TMTC3: variants seen among roughly 807,000 people sequenced by gnomAD.
TMTC3 encodes transmembrane O-mannosyltransferase targeting cadherins 3.
A neutral mutation model predicts 92.2 loss-of-function variants in TMTC3; 52 were observed. The observed-to-expected ratio is 0.56, with a 90% confidence interval of 0.45 to 0.71. TMTC3 has a LOEUF of 0.71. Among genes scored for constraint, TMTC3 ranks in the 30% least tolerant of loss-of-function variants. The pLI is 0.00. For missense variants in TMTC3, 896 were observed against 1,057.1 expected (o/e 0.85, Z 2.11); for synonymous variants, 339 against 363.3 (o/e 0.93, Z 0.76).
rs1336878535 is a variant in TMTC3, at chr12:88,142,469, C to T, written c.-47C>T. ...TCCTGAGGTTTTCCTAAGCCATCCC[C>T]TGGCGGAACCGCCCCCAGGTGAGGT... On this transcript the variant is annotated 5_prime_UTR_variant, in exon 1 of 14. Transcript: ENST00000266712. 1 of 152,948 alleles carries T rather than the reference C, an allele frequency of 6.5e-6. No homozygotes were observed. Among genetic ancestry groups the T allele is most frequent in the African/African-American group, 2.4e-5 (1 of 41,472 alleles). The allele number at this position is 152,948 out of a possible 1,614,324, so 9.5% of individuals were successfully genotyped here.
chr12:88,174,650 C>A lies in TMTC3; in HGVS notation c.1243C>A (p.Leu415Ile). 6.2e-7 allele frequency: 1 copy of A among 1,612,170 alleles called. No homozygotes were observed. The highest frequency in any genetic ancestry group is 1.7e-5 in the Admixed American group (1 of 59,900). The change falls in exon 9 of 14, where the codon CTC (leucine) becomes ATC (isoleucine). Residue 415 changes from leucine (L) to isoleucine (I), a missense_variant. Physicochemically the swap from Leu to Ile is conservative, Grantham distance 5. Coordinates refer to ENST00000266712, the MANE Select transcript of TMTC3 (RefSeq NM_181783.4). ...LSWICLSMVI[L>I]THSLKTFHRN... ...CTGGATTTGTCTGTCTATGGTGATA[C>A]TCACTCATTCCTTAAAAACATTCCA...
At chr12:88,182,858 A>G (rs1218493653) in intron 10 of TMTC3, among the ~76,000 whole-genome samples, 1 of 152,172 alleles carries the variant, frequency 6.6e-6, no homozygotes, top group Non-Finnish European at 1.5e-5. Flanking sequence ...GGTATTGTAA[A>G]CACAAATTTT....
Position 88,195,247 on chromosome 12 carries a change from T to C in TMTC3, c.2343T>C (p.Tyr781=). The change falls in exon 14 of 14, where the codon TAT becomes TAC. Residue 781 remains tyrosine (Y), a synonymous_variant. Transcript: ENST00000266712. Reference sequence around the variant, plus strand: ...GAAAACACAATCTTTGTGTTGTTTATTTTGAAGAAAAAGACTTATTAAAAG... The same window carrying C: ...GAAAACACAATCTTTGTGTTGTTTACTTTGAAGAAAAAGACTTATTAAAAG... ...VQGKHNLCVV[Y]FEEKDLLKAE... is the part of the protein sequence containing the mutation. The C allele has an allele frequency of 6.2e-7, 1 of 1,613,916 alleles. No individual in the cohort carries two copies. The highest frequency in any genetic ancestry group is 8.5e-7 in the Non-Finnish European group (1 of 1,179,930).
intron 10 of TMTC3, among the ~76,000 whole-genome samples, chr12:88,182,727 T>G (rs2041331968): frequency 6.6e-6 from 1 of 150,458 alleles, no homozygotes; most frequent in Non-Finnish European, 1.5e-5. Flanking sequence ...TAGGAAATTC[T>G]TTTCTACTTG....
At chr12:88,151,124 T>G (rs1421052561) in intron 2 of TMTC3, among the ~76,000 whole-genome samples, 1 of 151,262 alleles carries the variant, frequency 6.6e-6, no homozygotes, top group East Asian at 1.9e-4. Context: ...TCAATATTTT[T>G]GTCTTATTTT....
At chr12:88,159,241 A>C (rs1345059262) in intron 4 of TMTC3, among the ~76,000 whole-genome samples, 1 of 152,192 alleles carries the variant, frequency 6.6e-6, no homozygotes, top group Non-Finnish European at 1.5e-5. Context: ...TCTTTAGTCA[A>C]ATTACTACTA....
chr12:88,195,704 T>C lies in TMTC3; in HGVS notation c.*55T>C. The C allele has an allele frequency of 6.9e-7, 1 of 1,451,572 alleles. No homozygotes were observed. Among genetic ancestry groups the C allele is most frequent in the South Asian group, 1.4e-5 (1 of 69,936 alleles). 89.9% of individuals were successfully genotyped at this position (1,451,572 alleles called of 1,614,324 possible). On this transcript the variant is annotated 3_prime_UTR_variant, in exon 14 of 14. Transcript: ENST00000266712. ...AAGAACATCAATCCGTATCATGTGA[T>C]TGCTTTTACTGGGAGCTTTGAAAAA...
intron 10 of TMTC3, among the ~76,000 whole-genome samples, chr12:88,181,440 TGTTTA>T (rs2041317131): frequency 1.3e-5 from 2 of 152,016 alleles, no homozygotes; most frequent in Admixed American, 6.6e-5. Flanking sequence ...AGGTTGAAAT[TGTTTA>T]GTTAAGTTTC....
intron 10 of TMTC3, among the ~76,000 whole-genome samples, chr12:88,181,639 G>C (rs1165822109): frequency 6.6e-6 from 1 of 152,172 alleles, no homozygotes; most frequent in African/African-American, 2.4e-5. Context: ...TGAAGAAAAA[G>C]TGTACACAGG....
At chr12:88,160,290 A>G in intron 5 of TMTC3, 61 bp downstream of exon 5, 1 of 946,592 alleles carries the variant, frequency 1.1e-6, no homozygotes, top group Non-Finnish European at 1.5e-6. Flanking sequence ...AGTTGAATCA[A>G]ATTTTATTTA....
chr12:88,143,149 G>A (rs1032063924), intron 1 of TMTC3, among the ~76,000 whole-genome samples: 5 of 150,636 alleles, frequency 3.3e-5, no homozygotes, highest in Non-Finnish European at 7.4e-5. Context: ...ATCTGGACCA[G>A]TGCTTTGTCT....
In TMTC3 at chr12:88,195,421, G is replaced by C; in HGVS notation, c.2517G>C (p.Lys839Asn). 6.2e-7 allele frequency: 1 copy of C among 1,613,362 alleles called. No homozygotes were observed. Among genetic ancestry groups the C allele is most frequent in the Non-Finnish European group, 8.5e-7 (1 of 1,179,746 alleles). ...PTSKISSVEG[K>N]KIPTESVKEI... Reference sequence around the variant, plus strand: ...GTAAGATTTCAAGTGTGGAAGGAAAGAAAATTCCAACTGAAAGTGTAAAAG... The same window carrying C: ...GTAAGATTTCAAGTGTGGAAGGAAACAAAATTCCAACTGAAAGTGTAAAAG... Residue 839 changes from lysine (K) to asparagine (N), a missense_variant, in exon 14 of 14, where the codon AAG becomes AAC. By Grantham distance (94) the Lys-to-Asn change is moderately conservative. Coordinates refer to ENST00000266712, the MANE Select transcript of TMTC3 (RefSeq NM_181783.4).
Position 88,190,537 on chromosome 12 carries a change from A to G in TMTC3, c.1621A>G (p.Asn541Asp), listed in dbSNP as rs758876888. The G allele has an allele frequency of 6.2e-7, 1 of 1,614,016 alleles. No homozygotes were observed. Residue 541 changes from asparagine (N) to aspartate (D), a missense_variant, in exon 12 of 14, where the codon AAT (asparagine) becomes GAT (aspartate). Coordinates refer to ENST00000266712, the MANE Select transcript of TMTC3 (RefSeq NM_181783.4). ...YINLANLIRA[N>D]ESRLEEADQL... ...CAATCTGGCTAACCTGATCCGAGCA[A>G]ATGAGTCCCGACTGGAAGAAGCAGA... is the stretch of plus-strand genomic sequence containing the variant.
rs1183112823 is a variant in TMTC3, at chr12:88,199,769, A to AACTC, written c.*4124_*4127dup. 6.6e-6 allele frequency: 1 copy of AACTC among 152,250 alleles called. No homozygotes were observed. Among genetic ancestry groups the AACTC allele is most frequent in the African/African-American group, 2.4e-5 (1 of 41,474 alleles). 9.4% of individuals were successfully genotyped at this position (152,250 alleles called of 1,614,324 possible). On this transcript the variant is annotated 3_prime_UTR_variant, in exon 14 of 14. Coordinates refer to ENST00000266712, the MANE Select transcript of TMTC3 (RefSeq NM_181783.4). The stretch of plus-strand genomic sequence containing the variant: ...AGGCAAATTCATGTTCTTTCTTTGT[A>AACTC]ACTCACTTTCTTCGTCAACATTTCT...
intron 10 of TMTC3, among the ~76,000 whole-genome samples, chr12:88,182,704 A>G (rs938187731): frequency 6.6e-6 from 1 of 152,146 alleles, no homozygotes; most frequent in Admixed American, 6.5e-5. Context: ...TATAAAATGA[A>G]TAATCTTGTA....
intron 6 of TMTC3, 111 bp downstream of exon 6, chr12:88,160,962 G>T: frequency 8.9e-7 from 1 of 1,127,546 alleles, no homozygotes; most frequent in Non-Finnish European, 1.2e-6. Context: ...GTTTTATTAA[G>T]CTATAATTAA....
At chr12:88,183,304 G>T (rs886658135) in intron 10 of TMTC3, among the ~76,000 whole-genome samples, 6 of 152,218 alleles carry the variant, frequency 3.9e-5, no homozygotes, top group Non-Finnish European at 8.8e-5. Flanking sequence ...AAATGGGCTA[G>T]CAGCTGTTTT....
At position 88,195,692 on chromosome 12, in the gene TMTC3, C is replaced by T. The variant is rs1254889721; in HGVS notation, c.*43C>T. 12 of 1,489,316 alleles carry T rather than the reference C, an allele frequency of 8.1e-6. No homozygotes were observed. Among genetic ancestry groups the T allele is most frequent in the Admixed American group, 2.3e-5 (1 of 43,710 alleles). 92.3% of individuals were successfully genotyped at this position (1,489,316 alleles called of 1,614,324 possible). A position where few individuals can be genotyped will look rare whatever the true frequency, so the allele number is the denominator to read the frequency against. ...ACAATGGTATCAAAGAACATCAATC[C>T]GTATCATGTGATTGCTTTTACTGGG... On this transcript the variant is annotated 3_prime_UTR_variant, in exon 14 of 14. Coordinates refer to ENST00000266712, the MANE Select transcript of TMTC3 (RefSeq NM_181783.4).
In TMTC3 at chr12:88,198,429, G is replaced by A. The variant is rs754868193; in HGVS notation, c.*2780G>A. ...AGAAAAGCTTTGACAATCCCCAAGG[G>A]GCAGTGTTACCTTACTCCTTCACTG... On this transcript the variant is annotated 3_prime_UTR_variant, in exon 14 of 14. Coordinates refer to ENST00000266712, the MANE Select transcript of TMTC3 (RefSeq NM_181783.4). 2 of 397,838 alleles carry A rather than the reference G, an allele frequency of 5.0e-6. No individual in the cohort carries two copies. The highest frequency in any genetic ancestry group is 2.1e-5 in the African/African-American group (1 of 48,552). 24.6% of individuals were successfully genotyped at this position (397,838 alleles called of 1,614,324 possible).
Sources: gnomAD v4.1 joint callset for allele counts (sites outside exome capture counted in the v4.1 genomes callset) on GRCh38, gnomAD v4.1.1 for gene constraint, MANE v1.5 for transcripts, NCBI Gene and HGNC (gene_info 2026-07-23, HGNC 2026-07-21) for gene names.